HEATR3: variants seen among roughly 807,000 people sequenced by gnomAD.
HEATR3 encodes the protein HEAT repeat-containing protein 3.
In HEATR3, 56 loss-of-function variants were observed where a neutral mutation model predicts 72.8. That is an observed-to-expected ratio of 0.77 (90% CI 0.62 to 0.96). The LOEUF (loss-of-function observed/expected upper bound fraction) is 0.96. Ranked by LOEUF, HEATR3 falls within the 40% of genes least tolerant of loss-of-function variation. The pLI is 0.00. For synonymous variants in HEATR3, 331 were observed against 318.1 expected (o/e 1.04, Z -0.43); for missense variants, 747 against 831.4 (o/e 0.90, Z 1.25).
Position 50,066,376 on chromosome 16 carries a change from C to A in HEATR3, c.148C>A (p.Pro50Thr). Residue 50 changes from proline (P) to threonine (T), a missense_variant, in exon 2 of 15, where the codon CCG becomes ACG. Pro to Thr is a conservative substitution (Grantham distance 38, BLOSUM62 -1). Transcript: ENST00000299192. ...AAELLEKLQH[P>T]SAEVRECACA... ...TCGCTCTCATCCGCAGCTCCAGCAC[C>A]CGAGCGCCGAGGTCCGCGAGTGCGC... 1 of 1,548,860 alleles carries A rather than the reference C, an allele frequency of 6.5e-7. No individual in the cohort carries two copies.
intron 7 of HEATR3, among the ~76,000 whole-genome samples, chr16:50,082,265 C>T (rs953474448): frequency 1.3e-5 from 2 of 152,028 alleles, no homozygotes; most frequent in East Asian, 1.9e-4. Context: ...ATCGCTTGAA[C>T]CCAGGAGGCG....
At chr16:50,092,436 C>CTTTTTTCTTTTTT (rs55971965) in intron 11 of HEATR3, among the ~76,000 whole-genome samples, 1 of 106,026 alleles carries the variant, frequency 9.4e-6, no homozygotes, top group African/African-American at 3.7e-5. Flanking sequence ...TTTCTTTTTT[C>CTTTTTTCTTTTTT]TTTTTTTTTT....
At chr16:50,069,802 TGTA>T (rs2036571348) in intron 3 of HEATR3, among the ~76,000 whole-genome samples, 1 of 152,190 alleles carries the variant, frequency 6.6e-6, no homozygotes, top group African/African-American at 2.4e-5. Context: ...GCAGCCTCCC[TGTA>T]CCTCACTTTC....
At chr16:50,083,792 A>G (rs2036923106) in intron 7 of HEATR3, 145 bp from the exon 8 acceptor site, 2 of 647,702 alleles carry the variant, frequency 3.1e-6, no homozygotes, top group East Asian at 5.4e-5. Context: ...CTGGCACTTC[A>G]TGACTTTTCT....
chr16:50,079,190 A>G (rs959067090), intron 7 of HEATR3, among the ~76,000 whole-genome samples, 172 bp downstream of exon 7: 19 of 152,100 alleles, frequency 1.2e-4, no homozygotes, highest in Admixed American at 4.6e-4. Flanking sequence ...AAAATCTCCT[A>G]AAGGGGGAAA....
intron 14 of HEATR3, among the ~76,000 whole-genome samples, chr16:50,102,801 C>T (rs932473424): frequency 2.0e-5 from 3 of 152,062 alleles, no homozygotes; most frequent in Non-Finnish European, 2.9e-5. Context: ...CTCACTCTGT[C>T]GCCCATGCTG....
intron 11 of HEATR3, among the ~76,000 whole-genome samples, chr16:50,093,270 T>C (rs1445520054): frequency 1.2e-4 from 19 of 152,216 alleles, no homozygotes; most frequent in Admixed American, 1.2e-3. Context: ...TATCTATTGC[T>C]ACGTAACAAG....
rs2036712421 is a variant in HEATR3 at position 50,075,712 on chromosome 16, G to A, written c.763+1G>A. ...CTTCTATTGAAGACATTGGTAGCAG[G>A]TAAAATTTAGCCTTACGGCATAGTA... is the stretch of plus-strand genomic sequence containing the variant. On this transcript the variant is annotated splice_donor_variant, in intron 6 of 14. Transcript: ENST00000299192. LOFTEE classifies it high-confidence loss of function. 6.2e-7 allele frequency: 1 copy of A among 1,611,270 alleles called. No homozygotes were observed. The highest frequency in any genetic ancestry group is 1.3e-5 in the African/African-American group (1 of 75,034).
At chr16:50,084,335 G>A in intron 9 of HEATR3, 44 bp downstream of exon 9, 1 of 1,578,008 alleles carries the variant, frequency 6.3e-7, no homozygotes, top group Non-Finnish European at 8.6e-7. Flanking sequence ...CATGGGAAAG[G>A]CTTAAGCAAG....
In HEATR3 at chr16:50,094,809, T is replaced by C. The variant is rs780294599; in HGVS notation, c.1599+16T>C. 9 of 1,529,306 alleles carry C rather than the reference T, an allele frequency of 5.9e-6. No homozygotes were observed. Among genetic ancestry groups the C allele is most frequent in the Non-Finnish European group, 8.0e-6 (9 of 1,121,272 alleles). 94.7% of individuals were successfully genotyped at this position (1,529,306 alleles called of 1,614,324 possible). ...CATTTCCCAGGTAAGAGTTTTAAAATTTTTTGTATGAAACTTGTAAAGATT... is the reference window on the plus strand; with the variant it reads ...CATTTCCCAGGTAAGAGTTTTAAAACTTTTTGTATGAAACTTGTAAAGATT... On this transcript the variant is annotated intron_variant, in intron 12 of 14. Transcript: ENST00000299192.
chr16:50,084,684 CA>C, intron 10 of HEATR3, 33 bp downstream of exon 10: 1 of 1,462,880 alleles, frequency 6.8e-7, no homozygotes, highest in Non-Finnish European at 9.5e-7. Flanking sequence ...AAACATTTGT[CA>C]TTATTTTATT....
chr16:50,082,735 A>G (rs1400715330), intron 7 of HEATR3, among the ~76,000 whole-genome samples: 3 of 149,886 alleles, frequency 2.0e-5, no homozygotes, highest in Non-Finnish European at 4.4e-5. Flanking sequence ...CAGCTTGGGC[A>G]ATATACTGAG....
At chr16:50,066,803 CA>C in intron 2 of HEATR3, 1 of 372,372 alleles carries the variant, frequency 2.7e-6, no homozygotes, top group Non-Finnish European at 4.8e-6. Flanking sequence ...TTACACTCTC[CA>C]AAAGCCCTCC....
rs118015522 is a variant in HEATR3 at position 50,071,968 on chromosome 16, A to G, written c.513-637A>G. On this transcript the variant is annotated intron_variant, in intron 4 of 14. Transcript: ENST00000299192. ...AAAAAATACTTATTGTAATTTCTCT[A>G]TTGTAGACTGCAAATTCTGCTTGAT... is the stretch of plus-strand genomic sequence containing the variant. Among the ~76,000 whole-genome samples the G allele has an allele frequency of 9.2e-5, 14 of 152,326 alleles. No homozygotes were observed. The East Asian group carries it at 2.3e-3, about 25-fold the overall frequency.
intron 7 of HEATR3, among the ~76,000 whole-genome samples, chr16:50,083,523 A>C (rs1370794368): frequency 6.6e-6 from 1 of 152,204 alleles, no homozygotes; most frequent in African/African-American, 2.4e-5. Context: ...ATCTAAGCTA[A>C]GCATCTAAAA....
chr16:50,105,180 T>G lies in HEATR3; in HGVS notation c.*119T>G, dbSNP rs1433965606. ...TTTTTTAATGATTACATTCTGTACA[T>G]TCTGTAAAAACTTCAAAACCTGGCC... On this transcript the variant is annotated 3_prime_UTR_variant, in exon 15 of 15. Transcript: ENST00000299192. The G allele has an allele frequency of 8.4e-7, 1 of 1,189,598 alleles. No individual in the cohort carries two copies. 73.7% of individuals were successfully genotyped at this position (1,189,598 alleles called of 1,614,324 possible).
At chr16:50,102,946 A>G (rs2037401306) in intron 14 of HEATR3, among the ~76,000 whole-genome samples, 1 of 152,054 alleles carries the variant, frequency 6.6e-6, no homozygotes, top group Non-Finnish European at 1.5e-5. Context: ...TATTTTTAGT[A>G]GAAACGGGGA....
chr16:50,070,919 A>C (rs932873324), intron 4 of HEATR3, among the ~76,000 whole-genome samples: 1 of 152,110 alleles, frequency 6.6e-6, no homozygotes, highest in Non-Finnish European at 1.5e-5. Context: ...ATTTGTCTTT[A>C]AGCTGGTCAG....
intron 7 of HEATR3, among the ~76,000 whole-genome samples, chr16:50,081,176 A>G (rs770922954): frequency 2.0e-5 from 3 of 152,228 alleles, no homozygotes; most frequent in Admixed American, 6.5e-5. Flanking sequence ...GTGGTGGCTC[A>G]CGCCTATAAT....
Sources: allele counts gnomAD v4.1 joint callset (sites outside exome capture counted in the v4.1 genomes callset), GRCh38; gene constraint gnomAD v4.1.1; transcripts MANE v1.5; gene names NCBI Gene and HGNC (gene_info 2026-07-23, HGNC 2026-07-21).